The following ADCY6 variants were observed in gnomAD, a reference collection of about 807,000 sequenced individuals.
ADCY6 encodes the protein adenylate cyclase 6.
In ADCY6, 59 loss-of-function variants were observed where a neutral mutation model predicts 111.6. That is an observed-to-expected ratio of 0.53 (90% CI 0.43 to 0.66). ADCY6 has a LOEUF of 0.66. Among genes scored for constraint, ADCY6 ranks in the 30% least tolerant of loss-of-function variants. The pLI is 0.00. For synonymous variants in ADCY6, 576 were observed against 642.9 expected (o/e 0.90, Z 1.57); for missense variants, 1,242 against 1,595.6 (o/e 0.78, Z 3.78).
intron 20 of ADCY6, among the ~76,000 whole-genome samples, chr12:48,770,063 A>ATT (rs35784184): frequency 7.3e-4 from 82 of 112,876 alleles, no homozygotes; most frequent in African/African-American, 1.5e-3. Context: ...GCCCGGCCTA[A>ATT]TTTTTTTTTT....
Position 48,771,973 on chromosome 12 carries a change from C to T in ADCY6, c.2788G>A (p.Ala930Thr). 2 of 1,605,332 alleles carry T rather than the reference C, an allele frequency of 1.2e-6. No individual in the cohort carries two copies. The highest frequency in any genetic ancestry group is 2.2e-5 in the South Asian group (2 of 89,358). The change falls in exon 19 of 22, where the codon GCA becomes ACA. Residue 930 changes from alanine to threonine, a missense_variant and splice_region_variant. This residue lies in a region of ADCY6 where 245 missense variants were observed against 371.3 expected (regional missense o/e 0.66). Coordinates refer to ENST00000357869, the MANE Select transcript of ADCY6 (RefSeq NM_015270.5). This position sits in a 1 kb window ranked among gnomAD's most constrained non-coding sequence, Gnocchi z 4.3. Reference protein sequence around the residue: ...ARLDFLWKLQATGEKEEMEEL... With the variant: ...ARLDFLWKLQTTGEKEEMEEL... Reference sequence around the variant, plus strand: ...TCCATCTCCTCCTTCTCCCCTGTTGCCTGTGGACACCACACCCATCACCCA... The same window carrying T: ...TCCATCTCCTCCTTCTCCCCTGTTGTCTGTGGACACCACACCCATCACCCA...
Position 48,771,050 on chromosome 12 carries a change from C to G in ADCY6, c.3052-80G>C. ...GCCCCAACACTCATTTCTTGCCACG[C>G]CTTGGCTGCCTTCCCCACTTCCCTG... On this transcript the variant is annotated intron_variant, in intron 19 of 21. Transcript: ENST00000357869. This position sits in a 1 kb window ranked among gnomAD's most constrained non-coding sequence, Gnocchi z 4.3. 1 of 1,384,842 alleles carries G rather than the reference C, an allele frequency of 7.2e-7. No individual in the cohort carries two copies. The allele number at this position is 1,384,842 out of a possible 1,614,324, so 85.8% of individuals were successfully genotyped here.
intron 1 of ADCY6, among the ~76,000 whole-genome samples, chr12:48,787,318 C>T (rs1592167717): frequency 6.6e-6 from 1 of 152,112 alleles, no homozygotes; most frequent in Admixed American, 6.5e-5. Context: ...TTCCAAGCCC[C>T]CTGGAAACAC....
In ADCY6 at chr12:48,776,058, G is replaced by A. The variant is rs56168017; in HGVS notation, c.1711C>T (p.Arg571Trp). 1.2e-4 allele frequency: 200 copies of A among 1,613,378 alleles called. No individual in the cohort carries two copies. The Admixed American group carries it at 1.9e-3, about 15-fold the overall frequency. ...EEKAMLAKLQ[R>W]TRANSMEGLM... ...CCTTCCATGGAGTTGGCCCGAGTCC[G>A]CTGCAGCTTGGCCAGCATGGCCTTC... The change falls in exon 9 of 22, where the codon CGG (arginine) becomes TGG (tryptophan). Residue 571 changes from arginine to tryptophan, a missense_variant. By Grantham distance (101) the Arg-to-Trp change is moderately radical. Coordinates refer to ENST00000357869, the MANE Select transcript of ADCY6 (RefSeq NM_015270.5). This position sits in a 1 kb window ranked among gnomAD's most constrained non-coding sequence, Gnocchi z 6.1.
chr12:48,774,113 G>C lies in ADCY6; in HGVS notation c.2284-15C>G. ...TTACAGGTGAACTGCAAAAGTGGAGGGGTATATCAGGGTAACCAAGGAGGG... is the reference window on the plus strand; with the variant it reads ...TTACAGGTGAACTGCAAAAGTGGAGCGGTATATCAGGGTAACCAAGGAGGG... On this transcript the variant is annotated splice_polypyrimidine_tract_variant and intron_variant, in intron 14 of 21. Coordinates refer to ENST00000357869, the MANE Select transcript of ADCY6 (RefSeq NM_015270.5). The C allele has an allele frequency of 1.3e-6, 2 of 1,597,074 alleles. No homozygotes were observed. The highest frequency in any genetic ancestry group is 1.7e-6 in the Non-Finnish European group (2 of 1,170,370).
At chr12:48,783,680 C>T in intron 1 of ADCY6, 1 of 830,080 alleles carries the variant, frequency 1.2e-6, no homozygotes, top group Non-Finnish European at 1.8e-6. Context: ...CAGTGGCTTA[C>T]ACCTGTAATC....
Position 48,768,953 on chromosome 12 carries a change from A to AC in ADCY6, c.3364dup (p.Val1122GlyfsTer57), listed in dbSNP as rs1250340042. Reference sequence around the variant, plus strand: ...CCCCCTCACCTGGATTCGGTCGGGGACCCCCGTGCTGTCCATACGACTAGA... The same window carrying AC: ...CCCCCTCACCTGGATTCGGTCGGGGACCCCCCGTGCTGTCCATACGACTAGA... On this transcript the variant is annotated frameshift_variant, in exon 21 of 22. Transcript: ENST00000357869. LOFTEE classifies it high-confidence loss of function. 2 of 1,611,294 alleles carry AC rather than the reference A, an allele frequency of 1.2e-6. No homozygotes were observed. Among genetic ancestry groups the AC allele is most frequent in the Admixed American group, 1.7e-5 (1 of 59,530 alleles).
intron 1 of ADCY6, among the ~76,000 whole-genome samples, chr12:48,784,664 A>AGTTTTTTT (rs1941942506): frequency 2.4e-5 from 2 of 84,218 alleles, no homozygotes; most frequent in African/African-American, 5.2e-5. Context: ...AAAAATCTGG[A>AGTTTTTTT]GTTTTTTTTT....
Position 48,771,808 on chromosome 12 carries a change from T to C in ADCY6, c.2953A>G (p.Ile985Val). The change falls in exon 19 of 22, where the codon ATT becomes GTT. Residue 985 changes from isoleucine to valine, a missense_variant. Transcript: ENST00000357869. This position sits in a 1 kb window ranked among gnomAD's most constrained non-coding sequence, Gnocchi z 4.3. Reference sequence around the variant, plus strand: ...ACATAGAACTCAGAGAAGTTGGCAATGGAGGCAAACATAACAGCCACACAC... The same window carrying C: ...ACATAGAACTCAGAGAAGTTGGCAACGGAGGCAAACATAACAGCCACACAC... ...CECVAVMFAS[I>V]ANFSEFYVEL... 2 of 1,614,216 alleles carry C rather than the reference T, an allele frequency of 1.2e-6. No homozygotes were observed. The highest frequency in any genetic ancestry group is 1.7e-6 in the Non-Finnish European group (2 of 1,180,050).
chr12:48,769,683 T>G (rs1941475374), intron 20 of ADCY6, among the ~76,000 whole-genome samples: 2 of 150,728 alleles, frequency 1.3e-5, no homozygotes, highest in Non-Finnish European at 3.0e-5. Flanking sequence ...GCCTCCCAGG[T>G]TCAAGAGATT....
Position 48,769,033 on chromosome 12 carries a change from A to G in ADCY6, c.3285T>C (p.Gly1095=). 6.2e-7 allele frequency: 1 copy of G among 1,611,326 alleles called. No homozygotes were observed. Among genetic ancestry groups the G allele is most frequent in the Non-Finnish European group, 8.5e-7 (1 of 1,179,000 alleles). The stretch of plus-strand genomic sequence containing the variant: ...ACTGTGGCTTCCGAGCCCCGATGAC[A>G]CCTGCCACGACTGGGCCCATGTTCA... The part of the protein sequence containing the change: ...IGLNMGPVVA[G]VIGARKPQYD... The change falls in exon 21 of 22, where the codon GGT becomes GGC. Residue 1095 remains glycine, a synonymous_variant. Coordinates refer to ENST00000357869, the MANE Select transcript of ADCY6 (RefSeq NM_015270.5).
At position 48,777,554 on chromosome 12, in the gene ADCY6, A is replaced by G; in HGVS notation, c.1137-33T>C. 6.2e-7 allele frequency: 1 copy of G among 1,614,092 alleles called. No homozygotes were observed. The highest frequency in any genetic ancestry group is 8.5e-7 in the Non-Finnish European group (1 of 1,179,926). Reference sequence around the variant, plus strand: ...TGACAGCAGAGGATGAACAGAACACATAGCCCTCAAAGACTTCCAGACCCC... The same window carrying G: ...TGACAGCAGAGGATGAACAGAACACGTAGCCCTCAAAGACTTCCAGACCCC... On this transcript the variant is annotated intron_variant, in intron 4 of 21. Coordinates refer to ENST00000357869, the MANE Select transcript of ADCY6 (RefSeq NM_015270.5). The surrounding 1 kb of genome is among the most constrained non-coding windows in gnomAD (Gnocchi z 4.9).
At chr12:48,775,484 T>A in intron 10 of ADCY6, 34 bp from the exon 11 acceptor site, 1 of 1,612,600 alleles carries the variant, frequency 6.2e-7, no homozygotes, top group Non-Finnish European at 8.5e-7. Flanking sequence ...ACCAGTTGCA[T>A]GGGCATGGCC....
chr12:48,778,255 G>A lies in ADCY6; in HGVS notation c.867C>T (p.Leu289=), dbSNP rs751575636. Residue 289 remains leucine, a splice_region_variant and synonymous_variant, in exon 3 of 22, where the codon CTC becomes CTT. Coordinates refer to ENST00000357869, the MANE Select transcript of ADCY6 (RefSeq NM_015270.5). ...AGAGGAACAGCAGCACATTGGCACCGAGCTGCAGGAGGTGGCAGAGGCAGA... is the reference window on the plus strand; with the variant it reads ...AGAGGAACAGCAGCACATTGGCACCAAGCTGCAGGAGGTGGCAGAGGCAGA... ...NRGDAFLWKQ[L]GANVLLFLCT... 7.4e-6 allele frequency: 12 copies of A among 1,613,952 alleles called. No homozygotes were observed. The Admixed American group carries it at 1.0e-4, about 13-fold the overall frequency.
Position 48,783,207 on chromosome 12 carries a change from TGGG to T in ADCY6, c.225_227del (p.Pro76del). The T allele has an allele frequency of 6.2e-7, 1 of 1,607,206 alleles. No individual in the cohort carries two copies. The highest frequency in any genetic ancestry group is 8.5e-7 in the Non-Finnish European group (1 of 1,179,612). On this transcript the variant is annotated inframe_deletion, in exon 2 of 22. Transcript: ENST00000357869. ...GCAGCCCCAGCTCCTTGCCCTTGCC[TGGG>T]CCGCCCCTCCGGATGAAGGCGTCAT...
chr12:48,778,573 A>C, intron 2 of ADCY6: 1 of 346,500 alleles, frequency 2.9e-6, no homozygotes, highest in East Asian at 6.4e-5. Context: ...CTCCTCAAAC[A>C]CCCCACACAA....
In ADCY6 at chr12:48,782,790, C is replaced by T. The variant is rs750870354; in HGVS notation, c.645G>A (p.Val215=). The T allele has an allele frequency of 1.2e-6, 2 of 1,613,698 alleles. No individual in the cohort carries two copies. Among genetic ancestry groups the T allele is most frequent in the East Asian group, 4.5e-5 (2 of 44,864 alleles). ...CCTGCACTGCCGCCAGGATGCCCAG[C>T]ACCACGTAGCTCACCACCCACATGG... ...QDSMWVVSYV[V]LGILAAVQVG... The change falls in exon 2 of 22, where the codon GTG becomes GTA. Residue 215 remains valine, a synonymous_variant. Transcript: ENST00000357869. This position sits in a 1 kb window ranked among gnomAD's most constrained non-coding sequence, Gnocchi z 4.3.
intron 2 of ADCY6, 42 bp from the exon 3 acceptor site, chr12:48,778,299 C>T: frequency 6.2e-7 from 1 of 1,612,974 alleles, no homozygotes; most frequent in Non-Finnish European, 8.5e-7. Flanking sequence ...ATCTCCTCTG[C>T]CTGCCCCCCT....
At position 48,777,450 on chromosome 12, in the gene ADCY6, G is replaced by A; in HGVS notation, c.1208C>T (p.Thr403Ile). Residue 403 changes from threonine to isoleucine, a missense_variant, in exon 5 of 22, where the codon ACC (threonine) becomes ATC (isoleucine). Transcript: ENST00000357869. This position sits in a 1 kb window ranked among gnomAD's most constrained non-coding sequence, Gnocchi z 4.9. ...AAACCGGGCAAAGAGCTCATTCAGGGTCATGACCAGCTCCTGCGCAGTGCA... is the reference window on the plus strand; with the variant it reads ...AAACCGGGCAAAGAGCTCATTCAGGATCATGACCAGCTCCTGCGCAGTGCA... ...SQCTAQELVMTLNELFARFDK... is the reference protein window; with the variant it reads ...SQCTAQELVMILNELFARFDK... The A allele has an allele frequency of 6.2e-7, 1 of 1,614,242 alleles. No individual in the cohort carries two copies. Among genetic ancestry groups the A allele is most frequent in the East Asian group, 2.2e-5 (1 of 44,884 alleles).
Sources: allele counts gnomAD v4.1 joint callset (sites outside exome capture counted in the v4.1 genomes callset), GRCh38; gene constraint gnomAD v4.1.1; regional missense constraint gnomAD v4.1.1; non-coding constraint Gnocchi (gnomAD v3.1); transcripts MANE v1.5; gene names NCBI Gene and HGNC (gene_info 2026-07-23, HGNC 2026-07-21).